Variants in VTI1A observed in about 807,000 individuals in gnomAD.
VTI1A encodes the protein vesicle transport through interaction with t-SNAREs homolog 1A.
Under a neutral mutation model 34.9 loss-of-function variants are expected in VTI1A, and 22 were observed. That is an observed-to-expected ratio of 0.63 (90% CI 0.45 to 0.90). The LOEUF (loss-of-function observed/expected upper bound fraction) is 0.90. VTI1A is among the 40% of genes least tolerant of loss of function. The pLI is 0.00. For synonymous variants in VTI1A, 87 were observed against 97.3 expected (o/e 0.89, Z 0.62); for missense variants, 268 against 275.6 (o/e 0.97, Z 0.20).
chr10:112,716,340 G>C (rs1849613767), intron 7 of VTI1A, among the ~76,000 whole-genome samples: 1 of 152,210 alleles, frequency 6.6e-6, no homozygotes, highest in African/African-American at 2.4e-5. Flanking sequence ...AACACATGCT[G>C]TTGAGACATG....
the VTI1A span, among the ~76,000 whole-genome samples, chr10:112,844,967 A>G: frequency 6.6e-6 from 1 of 152,240 alleles, no homozygotes; most frequent in Non-Finnish European, 1.5e-5. Context: ...CTTGGGGAAT[A>G]GGAACCCTTC....
rs776948068 is a variant in VTI1A, at chr10:112,816,482, G to A, written c.*1099G>A. The A allele has an allele frequency of 6.2e-5, 14 of 224,002 alleles. No individual in the cohort carries two copies. The highest frequency in any genetic ancestry group is 1.2e-4 in the Non-Finnish European group (13 of 112,354). 13.9% of individuals were successfully genotyped at this position (224,002 alleles called of 1,614,324 possible). A position where few individuals can be genotyped will look rare whatever the true frequency, so the allele number is the denominator to read the frequency against. On this transcript the variant is annotated 3_prime_UTR_variant, in exon 8 of 8. Coordinates refer to ENST00000393077, the MANE Select transcript of VTI1A (RefSeq NM_145206.4). ...TTGGGTTTTTAACTAACAAATGTTA[G>A]CAAGCCTTTCTTGAATTCACTATGT...
intron 7 of VTI1A, among the ~76,000 whole-genome samples, chr10:112,745,616 T>A (rs1850869155): frequency 6.6e-6 from 1 of 152,174 alleles, no homozygotes; most frequent in South Asian, 2.1e-4. Context: ...AAGTAAATTA[T>A]CCCTAACTCA....
chr10:112,473,239 G>T (rs1172178483), intron 3 of VTI1A, among the ~76,000 whole-genome samples: 1 of 151,674 alleles, frequency 6.6e-6, no homozygotes, highest in Non-Finnish European at 1.5e-5. Flanking sequence ...CTCCCGAGTA[G>T]CTAGGACTAC....
intron 5 of VTI1A, among the ~76,000 whole-genome samples, chr10:112,590,547 G>A (rs947798541): frequency 3.3e-5 from 5 of 151,882 alleles, no homozygotes; most frequent in Admixed American, 1.3e-4. Flanking sequence ...AGACATGGTG[G>A]CATGCATGCC....
At chr10:112,617,835 G>A (rs1317892663) in intron 5 of VTI1A, among the ~76,000 whole-genome samples, 4 of 152,134 alleles carry the variant, frequency 2.6e-5, no homozygotes, top group Non-Finnish European at 5.9e-5. Flanking sequence ...CAAAGTAGAA[G>A]ATGCCTGGGA....
At chr10:112,551,192 A>G (rs1016176030) in intron 5 of VTI1A, among the ~76,000 whole-genome samples, 1 of 146,008 alleles carries the variant, frequency 6.8e-6, no homozygotes, top group African/African-American at 2.6e-5. Context: ...TGCCGTGAGC[A>G]GAGATCGCGC....
chr10:112,831,915 G>A, the VTI1A span: 4 of 152,096 alleles, frequency 2.6e-5, no homozygotes, highest in Non-Finnish European at 5.9e-5. Context: ...CAAGCCATGC[G>A]CTGCAAGTCT....
chr10:112,505,364 T>C (rs946549846), intron 3 of VTI1A, among the ~76,000 whole-genome samples: 2 of 152,206 alleles, frequency 1.3e-5, no homozygotes, highest in Non-Finnish European at 2.9e-5. Context: ...TTAAATTCAC[T>C]TATTGTTTGC....
chr10:112,582,153 CT>C (rs1284393218), intron 5 of VTI1A, among the ~76,000 whole-genome samples: 1 of 152,140 alleles, frequency 6.6e-6, no homozygotes, highest in Non-Finnish European at 1.5e-5. Flanking sequence ...TGAGGACTCT[CT>C]TCCTGGCTTG....
At chr10:112,851,055 T>G in the VTI1A span, among the ~76,000 whole-genome samples, 2 of 152,226 alleles carry the variant, frequency 1.3e-5, no homozygotes, top group African/African-American at 4.8e-5. Context: ...GAACTCTGCT[T>G]TCACATGGAA....
chr10:112,635,311 T>C (rs941448407), intron 5 of VTI1A, among the ~76,000 whole-genome samples: 2 of 152,104 alleles, frequency 1.3e-5, no homozygotes, highest in Non-Finnish European at 2.9e-5. Context: ...TCATGGCAGA[T>C]GTAGTGTTTT....
chr10:112,733,743 ATTTTATTT>A (rs1850354606), intron 7 of VTI1A, among the ~76,000 whole-genome samples: 1 of 146,152 alleles, frequency 6.8e-6, no homozygotes, highest in Non-Finnish European at 1.5e-5. Flanking sequence ...ATTTTATTTT[ATTTTATTT>A]TATTTTATTT....
intron 7 of VTI1A, among the ~76,000 whole-genome samples, chr10:112,718,633 T>C (rs569251875): frequency 5.3e-5 from 8 of 152,304 alleles, no homozygotes; most frequent in African/African-American, 1.9e-4. Context: ...AGAATATAGC[T>C]CTATTCTGAA....
intron 5 of VTI1A, among the ~76,000 whole-genome samples, chr10:112,637,318 T>G (rs1846391924): frequency 6.6e-6 from 1 of 152,224 alleles, no homozygotes; most frequent in Non-Finnish European, 1.5e-5. Flanking sequence ...GTGTCAGCTT[T>G]TTTGGTGCCT....
At chr10:112,746,392 C>A (rs529371565) in intron 7 of VTI1A, among the ~76,000 whole-genome samples, 1 of 152,320 alleles carries the variant, frequency 6.6e-6, no homozygotes, top group Non-Finnish European at 1.5e-5. Flanking sequence ...CCAGCAGCGA[C>A]CCTGCTTTCA....
chr10:112,801,385 A>G (rs1340515158), intron 7 of VTI1A, among the ~76,000 whole-genome samples: 3 of 152,162 alleles, frequency 2.0e-5, no homozygotes, highest in African/African-American at 7.2e-5. Flanking sequence ...TAAACCAGAA[A>G]AAGATACTCT....
chr10:112,586,002 T>C (rs1413396265), intron 5 of VTI1A, among the ~76,000 whole-genome samples: 2 of 152,082 alleles, frequency 1.3e-5, no homozygotes, highest in Admixed American at 1.3e-4. Context: ...GTAATATGGG[T>C]AAACACTGCC....
chr10:112,472,880 A>T (rs906218443), intron 3 of VTI1A, among the ~76,000 whole-genome samples: 3 of 152,106 alleles, frequency 2.0e-5, no homozygotes, highest in Non-Finnish European at 4.4e-5. Context: ...CACTTAATGA[A>T]TATGCCTGCT....
Sources: allele counts gnomAD v4.1 joint callset (sites outside exome capture counted in the v4.1 genomes callset), GRCh38; gene constraint gnomAD v4.1.1; transcripts MANE v1.5; gene names NCBI Gene and HGNC (gene_info 2026-07-23, HGNC 2026-07-21).